LIN28B: variants seen among roughly 807,000 people sequenced by gnomAD.
The protein encoded by LIN28B is lin-28 RNA binding posttranscriptional regulator B.
A neutral mutation model predicts 21.9 loss-of-function variants in LIN28B; 5 were observed. The ratio of observed to expected loss-of-function variants is 0.23; its 90% CI spans 0.12 to 0.48. The LOEUF (loss-of-function observed/expected upper bound fraction) is 0.48, where lower values mean the gene tolerates loss of function less well. Among genes scored for constraint, LIN28B ranks in the 20% least tolerant of loss-of-function variants. LIN28B has a pLI of 0.98. For missense variants in LIN28B, 245 were observed against 310.5 expected (o/e 0.79, Z 1.58); for synonymous variants, 109 against 111.3 (o/e 0.98, Z 0.13).
chr6:104,950,188 C>G (rs769556219), intron 2 of LIN28B, among the ~76,000 whole-genome samples: 1 of 151,986 alleles, frequency 6.6e-6, no homozygotes, highest in East Asian at 1.9e-4. Context: ...CTGCATTGTT[C>G]GTGATATTGG....
intron 2 of LIN28B, among the ~76,000 whole-genome samples, chr6:104,937,861 T>C (rs1358665488): frequency 2.0e-5 from 3 of 151,550 alleles, no homozygotes; most frequent in South Asian, 2.1e-4. Context: ...GTTGTAGGCA[T>C]TGGAGATATT....
chr6:105,066,394 T>C (rs776272429), intron 3 of LIN28B, among the ~76,000 whole-genome samples: 11 of 152,226 alleles, frequency 7.2e-5, no homozygotes, highest in Non-Finnish European at 1.5e-4. Context: ...TTGCTAAAAC[T>C]AGGGTAACAT....
chr6:105,052,863 ATTG>A (rs1202680858), intron 3 of LIN28B, among the ~76,000 whole-genome samples: 4 of 151,600 alleles, frequency 2.6e-5, no homozygotes, highest in Non-Finnish European at 5.9e-5. Context: ...ATTTTTTTAT[ATTG>A]TTTTCTATTT....
intron 2 of LIN28B, among the ~76,000 whole-genome samples, chr6:104,996,690 T>A (rs1770612958): frequency 6.6e-6 from 1 of 152,206 alleles, no homozygotes; most frequent in South Asian, 2.1e-4. Flanking sequence ...CTTTGGAATA[T>A]CCTTCATGTA....
chr6:105,045,569 A>G (rs771431322), intron 3 of LIN28B: 8 of 152,156 alleles, frequency 5.3e-5, no homozygotes, highest in Non-Finnish European at 1.0e-4. Context: ...AATAGGTGTA[A>G]GCCACCATAC....
intron 2 of LIN28B, among the ~76,000 whole-genome samples, chr6:104,995,918 G>A (rs577200200): frequency 6.6e-6 from 1 of 151,044 alleles, no homozygotes; most frequent in East Asian, 1.9e-4. Flanking sequence ...TATGTCTTCT[G>A]AGTAAGGTTT....
chr6:105,027,130 C>G (rs538906356), intron 3 of LIN28B, among the ~76,000 whole-genome samples: 56 of 152,026 alleles, frequency 3.7e-4, no homozygotes, highest in Non-Finnish European at 6.2e-4. Flanking sequence ...TGTGGGAACT[C>G]TTAGATGTAC....
intron 3 of LIN28B, among the ~76,000 whole-genome samples, chr6:105,055,411 A>C (rs944844852): frequency 7.9e-5 from 12 of 152,298 alleles, no homozygotes; most frequent in Admixed American, 3.3e-4. Context: ...TTCATGGGAC[A>C]GGATACTGGA....
intron 2 of LIN28B, among the ~76,000 whole-genome samples, chr6:104,979,587 T>A (rs1770177370): frequency 6.6e-6 from 1 of 151,382 alleles, no homozygotes; most frequent in South Asian, 2.1e-4. Flanking sequence ...TTTCTTTTTC[T>A]TGTTAAAAAA....
chr6:104,937,476 T>G (rs1243419593), intron 2 of LIN28B, among the ~76,000 whole-genome samples: 1 of 151,818 alleles, frequency 6.6e-6, no homozygotes, highest in Non-Finnish European at 1.5e-5. Flanking sequence ...TGCTGGTCAG[T>G]CTGGTCTCCA....
chr6:105,054,365 C>T (rs1356902400), intron 3 of LIN28B, among the ~76,000 whole-genome samples: 1 of 152,160 alleles, frequency 6.6e-6, no homozygotes, highest in Non-Finnish European at 1.5e-5. Flanking sequence ...TCACCACCAC[C>T]CTGGTGTCAT....
chr6:104,944,253 T>G (rs1042444948), intron 2 of LIN28B, among the ~76,000 whole-genome samples: 1 of 152,126 alleles, frequency 6.6e-6, no homozygotes, highest in Non-Finnish European at 1.5e-5. Flanking sequence ...GTAAAATCAA[T>G]AGGATCAATG....
At chr6:104,960,225 CATAAATTGTAT>C (rs769409955) in intron 2 of LIN28B, among the ~76,000 whole-genome samples, 120 of 152,076 alleles carry the variant, frequency 7.9e-4, no homozygotes, top group African/African-American at 2.7e-3. Context: ...TTGTAATATA[CATAAATTGTAT>C]ATAAATTGTA....
chr6:105,024,811 A>G (rs1771253803), intron 2 of LIN28B, among the ~76,000 whole-genome samples: 1 of 152,220 alleles, frequency 6.6e-6, no homozygotes, highest in South Asian at 2.1e-4. Flanking sequence ...GTAATTATTT[A>G]GCTGCCTTTA....
rs770767041 is a variant in LIN28B, at chr6:105,017,455, AG to A, written c.199-8842del. ...AGTTTAAAGTGTTTATTGAACTACT[AG>A]TCAATGTACTGAGCATTGTTCTAGG... On this transcript the variant is annotated intron_variant, in intron 2 of 3. Coordinates refer to ENST00000345080, the MANE Select transcript of LIN28B (RefSeq NM_001004317.4). Among the ~76,000 whole-genome samples, 325 of 152,352 alleles carry A rather than the reference AG, an allele frequency of 2.1e-3. 4 individuals carry two copies. The highest frequency in any genetic ancestry group is 9.7e-4 in the Non-Finnish European group (66 of 68,020).
At chr6:105,030,114 A>T (rs1771388771) in intron 3 of LIN28B, among the ~76,000 whole-genome samples, 1 of 152,228 alleles carries the variant, frequency 6.6e-6, no homozygotes, top group Admixed American at 6.5e-5. Context: ...AAGGGTGTCC[A>T]TAATTTTTGT....
chr6:105,013,589 G>C (rs758458397), intron 2 of LIN28B, among the ~76,000 whole-genome samples: 6 of 151,788 alleles, frequency 4.0e-5, no homozygotes, highest in Non-Finnish European at 8.8e-5. Flanking sequence ...AATAAGCCCG[G>C]TGTGGTGGCA....
chr6:105,016,914 CA>C (rs796927741), intron 2 of LIN28B, among the ~76,000 whole-genome samples: 19 of 143,630 alleles, frequency 1.3e-4, no homozygotes, highest in Admixed American at 3.5e-4. Flanking sequence ...AACAAAAAAA[CA>C]AAAAAAAAAC....
At chr6:104,994,328 A>T (rs370727824) in intron 2 of LIN28B, among the ~76,000 whole-genome samples, 1 of 152,204 alleles carries the variant, frequency 6.6e-6, no homozygotes, top group South Asian at 2.1e-4. Context: ...TTAACTTTTA[A>T]CGATACTTTT....
Sources: allele counts gnomAD v4.1 joint callset (sites outside exome capture counted in the v4.1 genomes callset), GRCh38; gene constraint gnomAD v4.1.1; transcripts MANE v1.5; gene names NCBI Gene and HGNC (gene_info 2026-07-23, HGNC 2026-07-21).